DLG2: variants seen among roughly 807,000 people sequenced by gnomAD.
DLG2 encodes disks large homolog 2.
Under a neutral mutation model 132.5 loss-of-function variants are expected in DLG2, and 45 were observed. The observed-to-expected ratio is 0.34, with a 90% CI of 0.27 to 0.44. The LOEUF is 0.44. Ranked by LOEUF, DLG2 falls within the 20% of genes least tolerant of loss-of-function variation. The pLI is 1.00. For synonymous variants in DLG2, 424 were observed against 419.6 expected, an observed-to-expected ratio of 1.01 and a Z score of -0.13; for missense variants, 1,045 against 1,196.9, an observed-to-expected ratio of 0.87 and a Z score of 1.87.
intron 7 of DLG2, among the ~76,000 whole-genome samples, chr11:84,252,810 A>G (rs1205526367): frequency 6.6e-6 from 1 of 152,216 alleles, no homozygotes; most frequent in Non-Finnish European, 1.5e-5. Context: ...GATAAAGGAC[A>G]TACTTTCATC....
intron 3 of DLG2, among the ~76,000 whole-genome samples, chr11:85,353,409 C>A (rs1044818271): frequency 6.6e-6 from 1 of 152,104 alleles, no homozygotes; most frequent in Non-Finnish European, 1.5e-5. Context: ...ACTAGTTCAA[C>A]CATTGTGGAG....
chr11:84,268,460 CTT>C (rs145806678), intron 7 of DLG2, among the ~76,000 whole-genome samples: 55,486 of 118,094 alleles, frequency 0.47, 10,741 homozygotes, highest in Admixed American at 0.51. Flanking sequence ...TACTTCACCT[CTT>C]TTTTTTTTTT....
At chr11:85,134,231 C>T (rs1376344473) in intron 5 of DLG2, among the ~76,000 whole-genome samples, 2 of 151,648 alleles carry the variant, frequency 1.3e-5, no homozygotes, top group Non-Finnish European at 2.9e-5. Context: ...GACCATTTCC[C>T]ACCCCACTAC....
intron 9 of DLG2, among the ~76,000 whole-genome samples, chr11:84,162,795 A>C (rs1394635711): frequency 2.0e-5 from 3 of 152,102 alleles, no homozygotes; most frequent in African/African-American, 4.8e-5. Context: ...GTTCTTAATG[A>C]GGTTGAACAG....
intron 6 of DLG2, among the ~76,000 whole-genome samples, chr11:85,062,145 G>T (rs2064213964): frequency 6.6e-6 from 1 of 151,766 alleles, no homozygotes; most frequent in African/African-American, 2.4e-5. Context: ...ATCTGAAATT[G>T]AACAGAGCTT....
intron 7 of DLG2, among the ~76,000 whole-genome samples, chr11:84,280,004 T>A (rs2097836070): frequency 6.6e-6 from 1 of 152,186 alleles, no homozygotes; most frequent in South Asian, 2.1e-4. Context: ...CCACTTATAT[T>A]CAACATTGTC....
chr11:85,236,698 A>G (rs921666363), intron 4 of DLG2, among the ~76,000 whole-genome samples: 2 of 152,016 alleles, frequency 1.3e-5, no homozygotes, highest in African/African-American at 2.4e-5. Context: ...TCAAATAACT[A>G]TGCAAGATTC....
chr11:83,710,500 C>T (rs538421543), intron 18 of DLG2, among the ~76,000 whole-genome samples: 4 of 152,036 alleles, frequency 2.6e-5, no homozygotes, highest in Admixed American at 6.6e-5. Context: ...ACACAAGAAG[C>T]GGATAATTTT....
At chr11:84,591,736 A>G (rs977546848) in intron 6 of DLG2, among the ~76,000 whole-genome samples, 3 of 152,154 alleles carry the variant, frequency 2.0e-5, no homozygotes, top group African/African-American at 7.2e-5. Flanking sequence ...ATGATTCCCA[A>G]CTTTGCTACA....
intron 5 of DLG2, among the ~76,000 whole-genome samples, chr11:85,140,918 C>CT (rs1315224591): frequency 6.6e-6 from 1 of 151,838 alleles, no homozygotes; most frequent in Non-Finnish European, 1.5e-5. Context: ...GGAGTTCATT[C>CT]TTTTTTGTGG....
intron 10 of DLG2, among the ~76,000 whole-genome samples, chr11:84,086,432 A>G (rs1390276488): frequency 6.6e-6 from 1 of 151,714 alleles, no homozygotes; most frequent in Admixed American, 6.6e-5. Context: ...AGAGTTGTCC[A>G]ATTGCCCTAT....
intron 9 of DLG2, among the ~76,000 whole-genome samples, chr11:84,115,428 A>G (rs1233964130): frequency 6.6e-6 from 1 of 152,224 alleles, no homozygotes; most frequent in Admixed American, 6.5e-5. Flanking sequence ...CCTTAGGAGT[A>G]TATTTGCTTT....
intron 17 of DLG2, among the ~76,000 whole-genome samples, chr11:83,833,020 T>A (rs185777356): frequency 1.3e-5 from 2 of 152,308 alleles, no homozygotes; most frequent in Non-Finnish European, 2.9e-5. Flanking sequence ...TAAAAAGGCA[T>A]GCTTCTCAAC....
chr11:84,862,340 G>A (rs1247461509), intron 6 of DLG2, among the ~76,000 whole-genome samples: 2 of 152,136 alleles, frequency 1.3e-5, no homozygotes, highest in African/African-American at 4.8e-5. Flanking sequence ...GAGAGGATGT[G>A]GAGAAATAGG....
At chr11:83,665,830 G>C (rs1052089666) in intron 18 of DLG2, among the ~76,000 whole-genome samples, 2 of 152,002 alleles carry the variant, frequency 1.3e-5, no homozygotes, top group Admixed American at 6.5e-5. Context: ...CGTTACAATA[G>C]GAGCATGAGA....
chr11:84,981,685 C>A (rs2055760922), intron 6 of DLG2, among the ~76,000 whole-genome samples: 1 of 151,956 alleles, frequency 6.6e-6, no homozygotes, highest in Non-Finnish European at 1.5e-5. Context: ...GCCTTTCTAC[C>A]TAAAAAAAAT....
chr11:85,063,491 T>C (rs958352281), intron 6 of DLG2, among the ~76,000 whole-genome samples: 1 of 151,836 alleles, frequency 6.6e-6, no homozygotes, highest in African/African-American at 2.4e-5. Context: ...AAATTTTATA[T>C]AGAGTCTGTA....
At chr11:85,011,622 T>C (rs140026228) in intron 6 of DLG2, among the ~76,000 whole-genome samples, 2,997 of 152,332 alleles carry the variant, frequency 0.02, 57 homozygotes, top group Admixed American at 0.042. Flanking sequence ...AGTTTCTCCA[T>C]ATGTTAAATA....
intron 5 of DLG2, among the ~76,000 whole-genome samples, chr11:85,122,953 A>ATATATATTATATATATATATAT (rs1566894462): frequency 6.5e-4 from 21 of 32,540 alleles, no homozygotes; most frequent in Middle Eastern, 0.026. Context: ...TATATATTAT[A>ATATATATTATATATATATATAT]TATATATATA....
Sources: gnomAD v4.1 joint callset for allele counts (sites outside exome capture counted in the v4.1 genomes callset) on GRCh38, gnomAD v4.1.1 for gene constraint, MANE v1.5 for transcripts, NCBI Gene and HGNC (gene_info 2026-07-23, HGNC 2026-07-21) for gene names.